Variants in RYR3 observed in about 807,000 individuals in gnomAD.
The protein encoded by RYR3 is ryanodine receptor 3, also known as brain ryanodine receptor-calcium release channel.
RYR3 carries 207 observed loss-of-function variants against 584.3 expected under a neutral mutation model. The ratio of observed to expected loss-of-function variants is 0.35; its 90% CI spans 0.32 to 0.40. RYR3 has a LOEUF of 0.40. Ranked by LOEUF, RYR3 falls within the 10% of genes least tolerant of loss-of-function variation. RYR3 has a pLI of 1.00. For missense variants in RYR3, 5,616 were observed against 6,089.2 expected (o/e 0.92, Z 2.59); for synonymous variants, 2,416 against 2,248.5 (o/e 1.07, Z -2.11).
intron 31 of RYR3, among the ~76,000 whole-genome samples, chr15:33,650,325 C>T (rs1017290537): frequency 1.3e-5 from 2 of 151,914 alleles, no homozygotes; most frequent in Non-Finnish European, 2.9e-5. Flanking sequence ...TGCAGTGAGC[C>T]GAGATGGCGC....
At chr15:33,317,479 A>G (rs1462118117) in intron 1 of RYR3, among the ~76,000 whole-genome samples, 1 of 127,698 alleles carries the variant, frequency 7.8e-6, no homozygotes, top group Non-Finnish European at 1.6e-5. Flanking sequence ...TTTGGAAGTC[A>G]GGGGGGGTGT....
chr15:33,639,312 A>G (rs2061669678), intron 27 of RYR3, among the ~76,000 whole-genome samples: 1 of 152,196 alleles, frequency 6.6e-6, no homozygotes, highest in Non-Finnish European at 1.5e-5. Flanking sequence ...TTGCCCTTTA[A>G]TAACACAGAG....
chr15:33,515,407 C>A (rs1452870923), intron 3 of RYR3, among the ~76,000 whole-genome samples: 3 of 152,222 alleles, frequency 2.0e-5, no homozygotes, highest in Non-Finnish European at 4.4e-5. Flanking sequence ...ATGCAGATTT[C>A]ACTGAAAGTC....
chr15:33,662,787 T>A lies in RYR3; in HGVS notation c.5257T>A (p.Ser1753Thr). Reference sequence around the variant, plus strand: ...GCAGATCCTCCTCCTGATTGATCCCTCTGTGTTTGGGGAGCATAGTGCGGG... The same window carrying A: ...GCAGATCCTCCTCCTGATTGATCCCACTGTGTTTGGGGAGCATAGTGCGGG... ...VRQILLLIDP[S>T]VFGEHSAGTE... Residue 1753 changes from serine to threonine, a missense_variant, in exon 35 of 104, where the codon TCT (serine) becomes ACT (threonine). Physicochemically the swap from Ser to Thr is moderately conservative, Grantham distance 58 (BLOSUM62 1). Coordinates refer to ENST00000634891, the MANE Select transcript of RYR3 (RefSeq NM_001036.6). 1.9e-6 allele frequency: 3 copies of A among 1,614,034 alleles called. No individual in the cohort carries two copies. The highest frequency in any genetic ancestry group is 2.5e-6 in the Non-Finnish European group (3 of 1,179,922).
chr15:33,722,502 A>G (rs927745925), intron 43 of RYR3: 4 of 562,054 alleles, frequency 7.1e-6, no homozygotes, highest in African/African-American at 5.8e-5. Context: ...GGCTGGTTCA[A>G]GTGCAGTGAG....
At chr15:33,426,283 G>C (rs1173953687) in intron 1 of RYR3, among the ~76,000 whole-genome samples, 3 of 152,142 alleles carry the variant, frequency 2.0e-5, no homozygotes, top group African/African-American at 7.2e-5. Flanking sequence ...GTTGAAAAAT[G>C]TTAATTTTTT....
At chr15:33,714,846 C>A (rs954199673) in intron 43 of RYR3, among the ~76,000 whole-genome samples, 3 of 152,136 alleles carry the variant, frequency 2.0e-5, no homozygotes, top group African/African-American at 7.2e-5. Flanking sequence ...AAGTCACTTC[C>A]TACAACTCAA....
chr15:33,646,451 G>T lies in RYR3; in HGVS notation c.3866G>T (p.Arg1289Leu). 1 of 1,613,882 alleles carries T rather than the reference G, an allele frequency of 6.2e-7. No homozygotes were observed. The highest frequency in any genetic ancestry group is 8.5e-7 in the Non-Finnish European group (1 of 1,179,842). Residue 1289 changes from arginine to leucine, a missense_variant, in exon 29 of 104, where the codon CGC becomes CTC. Physicochemically the swap from Arg to Leu is moderately radical, Grantham distance 102 (BLOSUM62 -2). Transcript: ENST00000634891. Reference sequence around the variant, plus strand: ...AGCAATGCCGACATGATCTATTGCCGCTTGAGCATGCCTGTCGAGTGCCAC... The same window carrying T: ...AGCAATGCCGACATGATCTATTGCCTCTTGAGCATGCCTGTCGAGTGCCAC... ...QNSNADMIYCRLSMPVECHSS... is the reference protein window; with the variant it reads ...QNSNADMIYCLLSMPVECHSS...
intron 19 of RYR3, among the ~76,000 whole-genome samples, chr15:33,622,878 C>T (rs2060796725): frequency 6.6e-6 from 1 of 152,166 alleles, no homozygotes; most frequent in Non-Finnish European, 1.5e-5. Context: ...AAATAGCTTA[C>T]TTTCACCTTC....
rs78333735 is a variant in RYR3, at chr15:33,441,974, T to C, written c.52-31445T>C. Among the ~76,000 whole-genome samples the C allele has an allele frequency of 4.6e-3, 707 of 152,348 alleles. 2 individuals carry two copies. Among genetic ancestry groups the C allele is most frequent in the Non-Finnish European group, 7.9e-3 (540 of 68,032 alleles). Reference sequence around the variant, plus strand: ...AATGTCATTCAGCAAGTTATCACTTTTTGGATTATCCATAGGAATTTCCGA... The same window carrying C: ...AATGTCATTCAGCAAGTTATCACTTCTTGGATTATCCATAGGAATTTCCGA... On this transcript the variant is annotated intron_variant, in intron 1 of 103. Transcript: ENST00000634891.
intron 64 of RYR3, among the ~76,000 whole-genome samples, chr15:33,776,889 C>A (rs915851929): frequency 5.9e-5 from 9 of 152,158 alleles, no homozygotes; most frequent in Non-Finnish European, 1.3e-4. Context: ...TAGGATGTAA[C>A]AAAAACTGAA....
At chr15:33,766,282 CAAAAAGAAAAAAAA>C (rs894114319) in intron 60 of RYR3, among the ~76,000 whole-genome samples, 9 of 78,490 alleles carry the variant, frequency 1.1e-4, no homozygotes, top group East Asian at 9.8e-4. Flanking sequence ...GTCTCCACCT[CAAAAAGAAAAAAAA>C]AAAAAGAAAA....
At chr15:33,370,473 T>G (rs769483104) in intron 1 of RYR3, among the ~76,000 whole-genome samples, 7 of 152,224 alleles carry the variant, frequency 4.6e-5, no homozygotes, top group Non-Finnish European at 7.3e-5. Flanking sequence ...CAAGCTATGC[T>G]GCTTACAGAT....
At chr15:33,550,797 T>C (rs560892296) in intron 10 of RYR3, among the ~76,000 whole-genome samples, 1 of 152,358 alleles carries the variant, frequency 6.6e-6, no homozygotes, top group African/African-American at 2.4e-5. Context: ...TTTAAATTTT[T>C]TTAATGATGC....
Position 33,766,215 on chromosome 15 carries a change from G to T in RYR3, c.8706-2443G>T, listed in dbSNP as rs769619064. ...GGAGAATCGCTTGAACCCAGGAGAC[G>T]GAGGTTGCAGTGAGCCGAGATGGCA... is the stretch of plus-strand genomic sequence containing the variant. On this transcript the variant is annotated intron_variant, in intron 60 of 103. Coordinates refer to ENST00000634891, the MANE Select transcript of RYR3 (RefSeq NM_001036.6). 4.0e-5 allele frequency among the ~76,000 whole-genome samples: 6 copies of T among 151,636 alleles called. No homozygotes were observed. In the South Asian group the frequency reaches 1.3e-3, roughly 32 times the overall value.
rs1595875287 is a variant in RYR3 at position 33,624,111 on chromosome 15, T to A, written c.2574+88T>A. ...TTTCTTTCTTGTTTTTGAACCTTTC[T>A]TAATATACATGCTCCAGAATTGTTG... On this transcript the variant is annotated intron_variant, in intron 20 of 103. Coordinates refer to ENST00000634891, the MANE Select transcript of RYR3 (RefSeq NM_001036.6). The A allele has an allele frequency of 1.0e-5, 9 of 873,374 alleles. No homozygotes were observed. In the East Asian group the frequency reaches 2.2e-4, roughly 21 times the overall value. 54.1% of individuals were successfully genotyped at this position (873,374 alleles called of 1,614,324 possible).
chr15:33,326,664 T>C (rs2140604867), intron 1 of RYR3, among the ~76,000 whole-genome samples: 1 of 152,254 alleles, frequency 6.6e-6, no homozygotes, highest in South Asian at 2.1e-4. Context: ...GTATGTGACA[T>C]GTTCAGGGAA....
chr15:33,464,721 A>G (rs1447554139), intron 1 of RYR3, among the ~76,000 whole-genome samples: 1 of 151,914 alleles, frequency 6.6e-6, no homozygotes, highest in Non-Finnish European at 1.5e-5. Flanking sequence ...ATCACCTCAC[A>G]TACTTACCTT....
In RYR3 at chr15:33,865,555, ATGAAATCTCGAATGTGTAATACC is replaced by A. The variant is rs1282771286; in HGVS notation, c.*335_*357del. Reference sequence around the variant, plus strand: ...GCATGAAGGAAAGGGCTAGAGAAGTATGAAATCTCGAATGTGTAATACCTGAAAATTTAAACACTTGAATGTCA... The same window carrying A: ...GCATGAAGGAAAGGGCTAGAGAAGTATGAAAATTTAAACACTTGAATGTCA... On this transcript the variant is annotated 3_prime_UTR_variant, in exon 104 of 104. Coordinates refer to ENST00000634891, the MANE Select transcript of RYR3 (RefSeq NM_001036.6). 4.1e-6 allele frequency: 1 copy of A among 245,670 alleles called. No individual in the cohort carries two copies. Among genetic ancestry groups the A allele is most frequent in the African/African-American group, 2.2e-5 (1 of 44,878 alleles). The allele number at this position is 245,670 out of a possible 1,614,324, so 15.2% of individuals were successfully genotyped here.
Sources: allele counts gnomAD v4.1 joint callset (sites outside exome capture counted in the v4.1 genomes callset), GRCh38; gene constraint gnomAD v4.1.1; transcripts MANE v1.5; gene names NCBI Gene and HGNC (gene_info 2026-07-23, HGNC 2026-07-21).